The following GATD1 variants were observed in gnomAD, a reference collection of about 807,000 sequenced individuals.
GATD1 encodes glutamine amidotransferase-like class 1 domain-containing protein 1.
Under a neutral mutation model 25.9 loss-of-function variants are expected in GATD1, and 23 were observed. The ratio of observed to expected loss-of-function variants is 0.89; its 90% confidence interval spans 0.64 to 1.26. The LOEUF is 1.26. Among genes scored for constraint, GATD1 ranks in the 50% most tolerant of loss-of-function variants. GATD1 has a pLI of 0.00. For synonymous variants in GATD1, 177 were observed against 134.6 expected (o/e 1.31, Z -2.18); for missense variants, 347 against 312.5 (o/e 1.11, Z -0.83).
rs750471664 is a variant in GATD1 at position 772,499 on chromosome 11, G to A, written c.378C>T (p.His126=). The A allele has an allele frequency of 4.7e-5, 76 of 1,611,934 alleles. No homozygotes were observed. In the Middle Eastern group the frequency reaches 8.2e-4, roughly 17 times the overall value. The part of the protein sequence containing the change: ...SESKPICAVG[H]GVAALCCATN... ...TGGCACAGCACAGGGCGGCGACACC[G>A]TGGCCGACGGCGCAGATGGGTTCTG... The change falls in exon 5 of 8, where the codon CAC becomes CAT. Residue 126 remains histidine (H), a synonymous_variant. Transcript: ENST00000319863.
chr11:772,716 G>A (rs1295040947), intron 4 of GATD1, 195 bp from the exon 5 acceptor site: 7 of 600,588 alleles, frequency 1.2e-5, no homozygotes, highest in Admixed American at 2.8e-5. Context: ...GAATCTGCTC[G>A]GGGGAGCTGG....
chr11:769,096 C>T lies in GATD1; in HGVS notation c.*1801G>A, dbSNP rs1345963444. 4.6e-6 allele frequency: 4 copies of T among 863,000 alleles called. No individual in the cohort carries two copies. The highest frequency in any genetic ancestry group is 5.1e-5 in the African/African-American group (2 of 39,176). 53.5% of individuals were successfully genotyped at this position (863,000 alleles called of 1,614,324 possible). ...AGCCTGGGTGACGAGAGACAAACTC[C>T]ATCTCAAAAAATAAATAAAATAAAA... On this transcript the variant is annotated 3_prime_UTR_variant, in exon 8 of 8. Transcript: ENST00000319863.
Position 770,170 on chromosome 11 carries a change from C to T in GATD1, c.*727G>A. 7.9e-7 allele frequency: 1 copy of T among 1,273,738 alleles called. No homozygotes were observed. Among genetic ancestry groups the T allele is most frequent in the Non-Finnish European group, 9.9e-7 (1 of 1,008,120 alleles). The allele number at this position is 1,273,738 out of a possible 1,614,324, so 78.9% of individuals were successfully genotyped here. A position where few individuals can be genotyped will look rare whatever the true frequency, so the allele number is the denominator to read the frequency against. On this transcript the variant is annotated 3_prime_UTR_variant, in exon 8 of 8. Transcript: ENST00000319863. ...GCCCAGCAGGCTGGACCACTGTCTG[C>T]TCTTGATAGCCGCTCTACCCGAGGC... is the stretch of plus-strand genomic sequence containing the variant.
chr11:775,976 C>CTTTTTTTTTTTTTTTTTTTTTT lies in GATD1; in HGVS notation c.65-856_65-835dup, dbSNP rs71022972. Among the ~76,000 whole-genome samples, 5 of 72,286 alleles carry CTTTTTTTTTTTTTTTTTTTTTT rather than the reference C, an allele frequency of 6.9e-5. 1 individual carries two copies. Among genetic ancestry groups the CTTTTTTTTTTTTTTTTTTTTTT allele is most frequent in the Admixed American group, 4.5e-4 (2 of 4,408 alleles). 47.4% of individuals were successfully genotyped at this position (72,286 alleles called of 152,430 possible). The stretch of plus-strand genomic sequence containing the variant: ...CCTCAGCTTCATTTTTATCTTCATT[C>CTTTTTTTTTTTTTTTTTTTTTT]TTTTTTTTTTTTTTTTTTTTTTTTT... On this transcript the variant is annotated intron_variant, in intron 1 of 7. Coordinates refer to ENST00000319863, the MANE Select transcript of GATD1 (RefSeq NM_182612.4).
Position 767,633 on chromosome 11 carries a change from C to G in GATD1, c.*3264G>C. 7.6e-7 allele frequency: 1 copy of G among 1,318,978 alleles called. No homozygotes were observed. Among genetic ancestry groups the G allele is most frequent in the South Asian group, 1.9e-5 (1 of 52,940 alleles). The allele number at this position is 1,318,978 out of a possible 1,614,324, so 81.7% of individuals were successfully genotyped here. A position where few individuals can be genotyped will look rare whatever the true frequency, so the allele number is the denominator to read the frequency against. On this transcript the variant is annotated 3_prime_UTR_variant, in exon 8 of 8. Coordinates refer to ENST00000319863, the MANE Select transcript of GATD1 (RefSeq NM_182612.4). ...CACCCTGCTGTGGCCTGAGCACGTC[C>G]CCCCAAAACCCACCTGCTTAAGTCC...
In GATD1 at chr11:775,136, G is replaced by A. The variant is rs139608981; in HGVS notation, c.71C>T (p.Ser24Leu). The change falls in exon 2 of 8, where the codon TCG becomes TTG. Residue 24 changes from serine to leucine, a missense_variant. Physicochemically the swap from Ser to Leu is moderately radical, Grantham distance 145. Coordinates refer to ENST00000319863, the MANE Select transcript of GATD1 (RefSeq NM_182612.4). ...LVASGAAEGV[S>L]AQSFLHCFTM... ...GAAACAGTGGAGGAAGGACTGGGCC[G>A]ACACACCTGCAGAAGGTCCCAGTGA... is the stretch of plus-strand genomic sequence containing the variant. 2.2e-5 allele frequency: 36 copies of A among 1,600,962 alleles called. No individual in the cohort carries two copies. The highest frequency in any genetic ancestry group is 9.0e-5 in the East Asian group (4 of 44,440).
In GATD1 at chr11:769,271, C is replaced by A. The variant is rs530842762; in HGVS notation, c.*1626G>T. 8.1e-6 allele frequency: 8 copies of A among 985,230 alleles called. No individual in the cohort carries two copies. In the African/African-American group the frequency reaches 1.2e-4, roughly 15 times the overall value. 61.0% of individuals were successfully genotyped at this position (985,230 alleles called of 1,614,324 possible). ...CTTCAGGGCGGGGATGTGGCTGCAG[C>A]GCTTCCTTCTTCCACTTTTTTCCAA... On this transcript the variant is annotated 3_prime_UTR_variant, in exon 8 of 8. Coordinates refer to ENST00000319863, the MANE Select transcript of GATD1 (RefSeq NM_182612.4).
At chr11:771,973 C>T (rs1863489256) in intron 5 of GATD1, among the ~76,000 whole-genome samples, 1 of 152,158 alleles carries the variant, frequency 6.6e-6, no homozygotes, top group Admixed American at 6.5e-5. Flanking sequence ...GCCTGTGGAT[C>T]AGCCACTCCC....
In GATD1 at chr11:773,580, G is replaced by A. The variant is rs143170030; in HGVS notation, c.297C>T (p.Thr99=). ...LLIPSCPGAL[T]DLASSGSLAR... ...CCAGGGAGCCACTGCTGGCCAGGTCGGTCAGGGCCCCAGGACAGCTGGGGA... is the reference window on the plus strand; with the variant it reads ...CCAGGGAGCCACTGCTGGCCAGGTCAGTCAGGGCCCCAGGACAGCTGGGGA... The change falls in exon 4 of 8, where the codon ACC becomes ACT. Residue 99 remains threonine, a synonymous_variant. Coordinates refer to ENST00000319863, the MANE Select transcript of GATD1 (RefSeq NM_182612.4). The A allele has an allele frequency of 1.8e-5, 29 of 1,610,016 alleles. No individual in the cohort carries two copies. Among genetic ancestry groups the A allele is most frequent in the East Asian group, 1.8e-4 (8 of 44,828 alleles).
In GATD1 at chr11:771,330, CACCACTGAAGCA is replaced by C; in HGVS notation, c.535_544+2del. 6.2e-7 allele frequency: 1 copy of C among 1,603,382 alleles called. No homozygotes were observed. Among genetic ancestry groups the C allele is most frequent in the Non-Finnish European group, 8.5e-7 (1 of 1,175,410 alleles). On this transcript the variant is annotated splice_donor_variant and coding_sequence_variant, in exon 6 of 8. Transcript: ENST00000319863. LOFTEE classifies it high-confidence loss of function. ...AAGTGCAGGGGGCACCCTCGAGGCT[CACCACTGAAGCA>C]GGCGCCCGAATCCTTCACGAAGTCC...
chr11:770,649 G>A lies in GATD1; in HGVS notation c.*248C>T, dbSNP rs975956252. 9.9e-6 allele frequency: 14 copies of A among 1,418,986 alleles called. No homozygotes were observed. Among genetic ancestry groups the A allele is most frequent in the East Asian group, 2.5e-5 (1 of 39,786 alleles). The allele number at this position is 1,418,986 out of a possible 1,614,324, so 87.9% of individuals were successfully genotyped here. A position where few individuals can be genotyped will look rare whatever the true frequency, so the allele number is the denominator to read the frequency against. On this transcript the variant is annotated 3_prime_UTR_variant, in exon 8 of 8. Transcript: ENST00000319863. ...ACCTAGCAGCTAGCACAGCTCTCCA[G>A]GCACGTGGGGTCTTTTCTCTGCCTC...
Position 770,078 on chromosome 11 carries a change from C to A in GATD1, c.*819G>T, listed in dbSNP as rs1863299560. ...ACTGTGAGGAAGTAGAGGGCCTAAG[C>A]CTCTCCTGGACGCCCTAACCTGGGG... On this transcript the variant is annotated 3_prime_UTR_variant, in exon 8 of 8. Coordinates refer to ENST00000319863, the MANE Select transcript of GATD1 (RefSeq NM_182612.4). The A allele has an allele frequency of 2.5e-6, 3 of 1,196,274 alleles. No individual in the cohort carries two copies. The East Asian group carries it at 1.0e-4, about 42-fold the overall frequency. 74.1% of individuals were successfully genotyped at this position (1,196,274 alleles called of 1,614,324 possible).
rs1863124415 is a variant in GATD1 at position 767,561 on chromosome 11, G to T, written c.*3336C>A. The T allele has an allele frequency of 2.8e-6, 4 of 1,417,178 alleles. No individual in the cohort carries two copies. Among genetic ancestry groups the T allele is most frequent in the East Asian group, 2.6e-5 (1 of 39,120 alleles). The allele number at this position is 1,417,178 out of a possible 1,614,324, so 87.8% of individuals were successfully genotyped here. On this transcript the variant is annotated 3_prime_UTR_variant, in exon 8 of 8. Coordinates refer to ENST00000319863, the MANE Select transcript of GATD1 (RefSeq NM_182612.4). ...ATCTTCAATGCTGGGCTCAATGTCA[G>T]ATCTGGCTGACCAGAGGGGCTCAAT... is the stretch of plus-strand genomic sequence containing the variant.
Position 771,361 on chromosome 11 carries a change from G to C in GATD1, c.516C>G (p.Phe172Leu). 1.9e-6 allele frequency: 3 copies of C among 1,595,570 alleles called. No individual in the cohort carries two copies. Among genetic ancestry groups the C allele is most frequent in the South Asian group, 1.1e-5 (1 of 89,206 alleles). ...FARLPLVVED[F>L]VKDSGACFSA... is the part of the protein sequence containing the mutation. ...TGAAGCAGGCGCCCGAATCCTTCAC[G>C]AAGTCCTCCACCACGAGCGGCAGGC... The change falls in exon 6 of 8, where the codon TTC becomes TTG. Residue 172 changes from phenylalanine to leucine, a missense_variant. Transcript: ENST00000319863.
intron 4 of GATD1, 117 bp from the exon 5 acceptor site, chr11:772,638 C>A: frequency 1.1e-6 from 1 of 896,146 alleles, no homozygotes; most frequent in Non-Finnish European, 1.7e-6. Flanking sequence ...GGCCCCTCCT[C>A]CCAGGTTTCC....
chr11:775,509 C>T (rs1863870305), intron 1 of GATD1, among the ~76,000 whole-genome samples: 3 of 152,240 alleles, frequency 2.0e-5, no homozygotes, highest in Non-Finnish European at 4.4e-5. Flanking sequence ...ACTCCCACAC[C>T]CCAGCCTCAT....
chr11:777,343 C>G, intron 1 of GATD1, 56 bp downstream of exon 1: 1 of 1,220,782 alleles, frequency 8.2e-7, no homozygotes, highest in Non-Finnish European at 1.0e-6. Flanking sequence ...CCTCCCGCCC[C>G]GGGCAGCCCC....
At chr11:775,172 G>T in intron 1 of GATD1, 30 bp from the exon 2 acceptor site, 1 of 1,571,018 alleles carries the variant, frequency 6.4e-7, no homozygotes, top group Non-Finnish European at 8.6e-7. Context: ...GTGTGGGCTC[G>T]ACAGGACTAG....
chr11:776,629 G>C (rs1173320805), intron 1 of GATD1: 1 of 152,460 alleles, frequency 6.6e-6, no homozygotes, highest in Admixed American at 6.5e-5. Context: ...CACACTTGAG[G>C]AGCTACAGAC....
Sources: gnomAD v4.1 joint callset for allele counts (sites outside exome capture counted in the v4.1 genomes callset) on GRCh38, gnomAD v4.1.1 for gene constraint, MANE v1.5 for transcripts, NCBI Gene and HGNC (gene_info 2026-07-23, HGNC 2026-07-21) for gene names.